Variants in LYPLAL1 observed in about 807,000 individuals in gnomAD.
The protein encoded by LYPLAL1 is lysophospholipase like 1.
LYPLAL1 carries 23 observed loss-of-function variants against 19.7 expected under a neutral mutation model. That is an observed-to-expected ratio of 1.17 (90% CI 0.84 to 1.65). The LOEUF is 1.65. Among genes scored for constraint, LYPLAL1 ranks in the 40% most tolerant of loss-of-function variants. The pLI, the probability that LYPLAL1 is intolerant of heterozygous loss-of-function variation, is 0.00. For synonymous variants in LYPLAL1, 119 were observed against 96.3 expected (o/e 1.24, Z -1.38); for missense variants, 355 against 279.4 (o/e 1.27, Z -1.93).
chr1:219,217,407 T>TGTGA (rs1225833975), downstream of LYPLAL1, among the ~76,000 whole-genome samples: 1 of 116,156 alleles, frequency 8.6e-6, no homozygotes, highest in African/African-American at 3.0e-5. Flanking sequence ...TGTGTGTGTG[T>TGTGA]GAGAGATGGT....
At chr1:219,247,923 A>G in the LYPLAL1 span, among the ~76,000 whole-genome samples, 1 of 152,160 alleles carries the variant, frequency 6.6e-6, no homozygotes, top group East Asian at 1.9e-4. Flanking sequence ...AAAAAAACCT[A>G]TGAAAACATG....
the LYPLAL1 span, among the ~76,000 whole-genome samples, chr1:219,218,491 A>G: frequency 5.1e-5 from 7 of 136,976 alleles, no homozygotes; most frequent in Non-Finnish European, 1.1e-4. Flanking sequence ...TAAAACATCG[A>G]GACTTTTTTT....
At chr1:219,415,181 T>C in the LYPLAL1 span, among the ~76,000 whole-genome samples, 2 of 152,200 alleles carry the variant, frequency 1.3e-5, no homozygotes, top group Non-Finnish European at 2.9e-5. Context: ...AGGAAATTAT[T>C]GGAAGACTTG....
the LYPLAL1 span, among the ~76,000 whole-genome samples, chr1:219,255,203 A>G: frequency 1.3e-5 from 2 of 151,880 alleles, no homozygotes; most frequent in East Asian, 3.9e-4. Context: ...TGACATTATT[A>G]TAATAACTTT....
chr1:219,282,342 T>C, the LYPLAL1 span, among the ~76,000 whole-genome samples: 2 of 151,950 alleles, frequency 1.3e-5, no homozygotes, highest in Non-Finnish European at 2.9e-5. Context: ...AGAAAAAATA[T>C]ATCATAGATC....
chr1:219,302,950 T>C, the LYPLAL1 span, among the ~76,000 whole-genome samples: 1 of 151,936 alleles, frequency 6.6e-6, no homozygotes, highest in Non-Finnish European at 1.5e-5. Flanking sequence ...TCATGTTTTA[T>C]TATTATTCTC....
chr1:219,293,903 C>T, the LYPLAL1 span, among the ~76,000 whole-genome samples: 3 of 152,154 alleles, frequency 2.0e-5, no homozygotes, highest in East Asian at 1.9e-4. Context: ...ACAGGACTTA[C>T]GTTTTCTCTG....
the LYPLAL1 span, among the ~76,000 whole-genome samples, chr1:219,363,777 G>A: frequency 6.6e-6 from 1 of 152,152 alleles, no homozygotes; most frequent in Non-Finnish European, 1.5e-5. Context: ...CCCAGGCCCA[G>A]GCTGCCTTTC....
chr1:219,194,463 G>A (rs1657447645), intron 3 of LYPLAL1, among the ~76,000 whole-genome samples: 1 of 151,978 alleles, frequency 6.6e-6, no homozygotes, highest in Non-Finnish European at 1.5e-5. Context: ...TCACGGGGAT[G>A]TGCAGATAAG....
At chr1:219,368,539 C>T in the LYPLAL1 span, among the ~76,000 whole-genome samples, 1 of 152,076 alleles carries the variant, frequency 6.6e-6, no homozygotes, top group Non-Finnish European at 1.5e-5. Flanking sequence ...AATGTAGATT[C>T]CCAAGCAAAA....
the LYPLAL1 span, among the ~76,000 whole-genome samples, chr1:219,268,104 C>T: frequency 3.9e-5 from 6 of 152,136 alleles, no homozygotes; most frequent in Non-Finnish European, 8.8e-5. Context: ...GTGAGCAAAA[C>T]ACAAAAATTC....
chr1:219,288,637 A>T, the LYPLAL1 span, among the ~76,000 whole-genome samples: 15 of 152,186 alleles, frequency 9.9e-5, no homozygotes, highest in Admixed American at 2.0e-4. Context: ...CATGAACCTT[A>T]AGGGAAACTA....
chr1:219,188,126 T>C lies in LYPLAL1; in HGVS notation c.192-4956T>C, dbSNP rs557071787. ...TGATTACTGAAATTTATTCAGCAAATATTTAGCATCTATTCTATGTCAGGC... is the reference window on the plus strand; with the variant it reads ...TGATTACTGAAATTTATTCAGCAAACATTTAGCATCTATTCTATGTCAGGC... On this transcript the variant is annotated intron_variant, in intron 2 of 4. Coordinates refer to ENST00000366928, the MANE Select transcript of LYPLAL1 (RefSeq NM_138794.5). 2.6e-4 allele frequency among the ~76,000 whole-genome samples: 40 copies of C among 151,946 alleles called. 1 individual carries two copies. The highest frequency in any genetic ancestry group is 9.6e-4 in the African/African-American group (40 of 41,522).
the LYPLAL1 span, among the ~76,000 whole-genome samples, chr1:219,245,629 G>C: frequency 6.6e-6 from 1 of 152,212 alleles, no homozygotes; most frequent in Non-Finnish European, 1.5e-5. Context: ...AATCAAATTT[G>C]AAGTGGACCT....
the LYPLAL1 span, among the ~76,000 whole-genome samples, chr1:219,426,276 A>G: frequency 2.0e-5 from 3 of 152,256 alleles, no homozygotes; most frequent in Admixed American, 6.5e-5. Flanking sequence ...GGATTCTGCC[A>G]TCTAACAGTT....
At chr1:219,372,320 C>G in the LYPLAL1 span, among the ~76,000 whole-genome samples, 1 of 152,146 alleles carries the variant, frequency 6.6e-6, no homozygotes, top group South Asian at 2.1e-4. Flanking sequence ...AGGGTCAGCC[C>G]TGATTTGAGG....
chr1:219,415,986 T>A, the LYPLAL1 span, among the ~76,000 whole-genome samples: 1 of 152,224 alleles, frequency 6.6e-6, no homozygotes, highest in Non-Finnish European at 1.5e-5. Flanking sequence ...TGAATTTTGC[T>A]CTGATGAATT....
At chr1:219,308,465 C>T in the LYPLAL1 span, among the ~76,000 whole-genome samples, 2 of 152,180 alleles carry the variant, frequency 1.3e-5, no homozygotes, top group Non-Finnish European at 2.9e-5. Context: ...GAGACCTTTG[C>T]AACAGCCTCT....
chr1:219,434,482 G>A, the LYPLAL1 span, among the ~76,000 whole-genome samples: 1 of 152,198 alleles, frequency 6.6e-6, no homozygotes, highest in South Asian at 2.1e-4. Flanking sequence ...GAATGAGCAA[G>A]GAAGCAAAGA....
Sources: gnomAD v4.1 joint callset for allele counts (sites outside exome capture counted in the v4.1 genomes callset) on GRCh38, gnomAD v4.1.1 for gene constraint, MANE v1.5 for transcripts, NCBI Gene and HGNC (gene_info 2026-07-23, HGNC 2026-07-21) for gene names.